PRKAG2: variants seen among roughly 807,000 people sequenced by gnomAD.
PRKAG2 encodes the protein 5'-AMP-activated protein kinase subunit gamma-2.
In PRKAG2, 26 loss-of-function variants were observed where a neutral mutation model predicts 69.6. The observed-to-expected ratio is 0.37, with a 90% confidence interval of 0.27 to 0.52. PRKAG2 has a LOEUF of 0.52. Among genes scored for constraint, PRKAG2 ranks in the 20% least tolerant of loss-of-function variants. PRKAG2 has a pLI of 0.90. For synonymous variants in PRKAG2, 293 were observed against 285.0 expected, an observed-to-expected ratio of 1.03 and a Z score of -0.28; for missense variants, 557 against 740.0, an observed-to-expected ratio of 0.75 and a Z score of 2.87.
Position 151,781,007 on chromosome 7 carries a change from G to C in PRKAG2, c.466+145C>G. On this transcript the variant is annotated intron_variant, in intron 3 of 15. Coordinates refer to ENST00000287878, the MANE Select transcript of PRKAG2 (RefSeq NM_016203.4). This position sits in a 1 kb window ranked among gnomAD's most constrained non-coding sequence, Gnocchi z 6.1. ...GAGAGAGATTTGTTTAGGGGGAAGTGGGGGTGGGGAGAAACAGATACAGGC... is the reference window on the plus strand; with the variant it reads ...GAGAGAGATTTGTTTAGGGGGAAGTCGGGGTGGGGAGAAACAGATACAGGC... 9.4e-7 allele frequency: 1 copy of C among 1,059,020 alleles called. No homozygotes were observed. The highest frequency in any genetic ancestry group is 1.4e-6 in the Non-Finnish European group (1 of 699,372). The allele number at this position is 1,059,020 out of a possible 1,614,324, so 65.6% of individuals were successfully genotyped here.
Position 151,850,455 on chromosome 7 carries a change from A to T in PRKAG2, c.114+26052T>A, listed in dbSNP as rs1416141430. Among the ~76,000 whole-genome samples the T allele has an allele frequency of 6.6e-6, 1 of 152,252 alleles. No homozygotes were observed. The highest frequency in any genetic ancestry group is 1.5e-5 in the Non-Finnish European group (1 of 68,040). ...CAACCTGTCCCATGCTCTGCCTCGA[A>T]GCACACGTCATCTGGTGGGCAGCCC... On this transcript the variant is annotated intron_variant, in intron 1 of 15. Coordinates refer to ENST00000287878, the MANE Select transcript of PRKAG2 (RefSeq NM_016203.4). This position sits in a 1 kb window ranked among gnomAD's most constrained non-coding sequence, Gnocchi z 4.1.
chr7:151,853,038 T>C (rs535571983), intron 1 of PRKAG2, among the ~76,000 whole-genome samples: 83 of 152,330 alleles, frequency 5.4e-4, no homozygotes, highest in African/African-American at 1.9e-3. Context: ...TTCCAAGGAT[T>C]CCAAGGGTAA....
chr7:151,628,262 T>C (rs1172798346), intron 5 of PRKAG2, among the ~76,000 whole-genome samples: 1 of 152,220 alleles, frequency 6.6e-6, no homozygotes, highest in East Asian at 1.9e-4. Context: ...AATTACCTAC[T>C]TCAAAAAGCA....
intron 1 of PRKAG2, among the ~76,000 whole-genome samples, chr7:151,863,062 G>A (rs961086599): frequency 3.3e-5 from 5 of 151,178 alleles, no homozygotes; most frequent in African/African-American, 4.9e-5. Context: ...GGGGGCGCTG[G>A]TAGATCCCTG....
chr7:151,744,614 T>A (rs1397808598), intron 3 of PRKAG2, among the ~76,000 whole-genome samples: 1 of 152,208 alleles, frequency 6.6e-6, no homozygotes, highest in Non-Finnish European at 1.5e-5. Flanking sequence ...CCACTTTGCA[T>A]GTTATGTGAA....
At chr7:151,698,525 A>G (rs999708817) in intron 3 of PRKAG2, among the ~76,000 whole-genome samples, 1 of 151,982 alleles carries the variant, frequency 6.6e-6, no homozygotes, top group African/African-American at 2.4e-5. Context: ...CTATGAGTTC[A>G]CACGAGGCCT....
intron 1 of PRKAG2, among the ~76,000 whole-genome samples, chr7:151,794,466 C>T (rs886199778): frequency 3.9e-5 from 6 of 152,250 alleles, no homozygotes; most frequent in African/African-American, 1.2e-4. Flanking sequence ...GACCAGAGGA[C>T]GTCATCAAAG....
intron 1 of PRKAG2, among the ~76,000 whole-genome samples, chr7:151,816,725 C>A (rs1369615298): frequency 6.6e-6 from 1 of 152,238 alleles, no homozygotes; most frequent in African/African-American, 2.4e-5. Flanking sequence ...AAGTGGTCGA[C>A]CAGAGATCCG....
chr7:151,840,448 G>A (rs1201300243), intron 1 of PRKAG2, among the ~76,000 whole-genome samples: 1 of 152,302 alleles, frequency 6.6e-6, no homozygotes, highest in South Asian at 2.1e-4. Context: ...GCTGGGTGGG[G>A]CAATCATAGC....
chr7:151,876,716 C>CTGT lies in PRKAG2; in HGVS notation c.-99_-97dup, dbSNP rs1206543293. ...TGCCTTCGGACTGGAGCCGCGCGCT[C>CTGT]TGTTACACCCTGAAGCCACCTCGTG... On this transcript the variant is annotated 5_prime_UTR_variant, in exon 1 of 16. Transcript: ENST00000287878. 1 of 1,183,038 alleles carries CTGT rather than the reference C, an allele frequency of 8.5e-7. No homozygotes were observed. The highest frequency in any genetic ancestry group is 1.2e-6 in the Non-Finnish European group (1 of 818,040). The allele number at this position is 1,183,038 out of a possible 1,614,324, so 73.3% of individuals were successfully genotyped here.
intron 1 of PRKAG2, among the ~76,000 whole-genome samples, chr7:151,855,079 CCTCCACACACACCAT>C (rs2079689003): frequency 8.9e-4 from 40 of 44,840 alleles, no homozygotes; most frequent in Admixed American, 1.5e-3. Flanking sequence ...CACACACCAT[CCTCCACACACACCAT>C]CCTCCACACA....
intron 3 of PRKAG2, among the ~76,000 whole-genome samples, chr7:151,760,079 T>C (rs1261229125): frequency 6.6e-6 from 1 of 152,156 alleles, no homozygotes; most frequent in Non-Finnish European, 1.5e-5. Flanking sequence ...TAGCCTTTTC[T>C]TTTTTTAAAA....
At chr7:151,876,321 G>A (rs530708450) in intron 1 of PRKAG2, among the ~76,000 whole-genome samples, 186 bp downstream of exon 1, 2 of 152,194 alleles carry the variant, frequency 1.3e-5, no homozygotes, top group South Asian at 4.1e-4. Context: ...CGGGCAGAGA[G>A]AGAGATTGAG....
At position 151,729,122 on chromosome 7, in the gene PRKAG2, G is replaced by GCTACATACTTGTTCCC. The variant is rs1364800840; in HGVS notation, c.466+52029_466+52030insGGGAACAAGTATGTAG. ...GACAGTGACGTAGGGAGAACAGGCA[G>GCTACATACTTGTTCCC]ATGGGTTATGAGCTTTTCCAGGCAT... On this transcript the variant is annotated intron_variant, in intron 3 of 15. Transcript: ENST00000287878. 1.7e-4 allele frequency among the ~76,000 whole-genome samples: 25 copies of GCTACATACTTGTTCCC among 146,942 alleles called. 1 individual carries two copies. The South Asian group carries it at 5.9e-3, about 35-fold the overall frequency.
At chr7:151,676,568 C>G (rs1036628167) in intron 3 of PRKAG2, among the ~76,000 whole-genome samples, 2 of 152,166 alleles carry the variant, frequency 1.3e-5, no homozygotes, top group African/African-American at 4.8e-5. Flanking sequence ...CTAACAGAAA[C>G]AACTCTATTT....
chr7:151,819,255 G>A (rs1881632), intron 1 of PRKAG2, among the ~76,000 whole-genome samples: 24,047 of 152,244 alleles, frequency 0.16, 2,255 homozygotes, highest in South Asian at 0.26. Flanking sequence ...TCTGGGTCCT[G>A]CTCGGAGTGC....
Position 151,713,765 on chromosome 7 carries a change from A to G in PRKAG2, c.467-38128T>C, listed in dbSNP as rs150708201. Among the ~76,000 whole-genome samples, 1,252 of 152,064 alleles carry G rather than the reference A, an allele frequency of 8.2e-3. 20 individuals are homozygous for G. Among genetic ancestry groups the G allele is most frequent in the African/African-American group, 0.028 (1,180 of 41,462 alleles). ...CAGTTAATTTTTAAATGTTTCATAG[A>G]GAAGGGGTCTATGTTGCCCAGGCTG... is the stretch of plus-strand genomic sequence containing the variant. On this transcript the variant is annotated intron_variant, in intron 3 of 15. Transcript: ENST00000287878.
Position 151,850,845 on chromosome 7 carries a change from A to G in PRKAG2, c.114+25662T>C, listed in dbSNP as rs912503290. Among the ~76,000 whole-genome samples, 1 of 152,204 alleles carries G rather than the reference A, an allele frequency of 6.6e-6. No individual in the cohort carries two copies. The highest frequency in any genetic ancestry group is 2.4e-5 in the African/African-American group (1 of 41,448). ...CTGAAGATCTAGTCCCTCCCCCCAC[A>G]GTCACTGATGGTGTCACTGAAAGCC... On this transcript the variant is annotated intron_variant, in intron 1 of 15. Coordinates refer to ENST00000287878, the MANE Select transcript of PRKAG2 (RefSeq NM_016203.4). The surrounding 1 kb of genome is among the most constrained non-coding windows in gnomAD (Gnocchi z 4.1).
intron 1 of PRKAG2, 83 bp from the exon 2 acceptor site, chr7:151,786,624 C>T: frequency 2.7e-6 from 3 of 1,112,964 alleles, no homozygotes; most frequent in Non-Finnish European, 4.0e-6. Context: ...GGTGTCACCT[C>T]CCCCTTCCTG....
Sources: gnomAD v4.1 joint callset for allele counts (sites outside exome capture counted in the v4.1 genomes callset) on GRCh38, gnomAD v4.1.1 for gene constraint, Gnocchi (gnomAD v3.1) non-coding constraint, MANE v1.5 for transcripts, NCBI Gene and HGNC (gene_info 2026-07-23, HGNC 2026-07-21) for gene names.